Variants in APOBEC2 observed in about 807,000 individuals in gnomAD.
The protein encoded by APOBEC2 is C->U-editing enzyme APOBEC-2.
A neutral mutation model predicts 19.4 loss-of-function variants in APOBEC2; 14 were observed. That is an observed-to-expected ratio of 0.72 (90% CI 0.48 to 1.13). The LOEUF (loss-of-function observed/expected upper bound fraction) is 1.13. Among genes scored for constraint, APOBEC2 ranks in the 50% most tolerant of loss-of-function variants. The pLI, the probability that APOBEC2 is intolerant of heterozygous loss-of-function variation, is 0.00. For missense variants in APOBEC2, 304 were observed against 277.0 expected, an observed-to-expected ratio of 1.10 and a Z score of -0.69; for synonymous variants, 127 against 112.1, an observed-to-expected ratio of 1.13 and a Z score of -0.84.
At chr6:41,063,348 G>T (rs933692191) in intron 2 of APOBEC2, among the ~76,000 whole-genome samples, 1 of 152,142 alleles carries the variant, frequency 6.6e-6, no homozygotes, top group Non-Finnish European at 1.5e-5. Context: ...TGCCCTCTGA[G>T]AATATAAAAT....
At chr6:41,063,714 GAAC>G (rs1221056793) in intron 2 of APOBEC2, among the ~76,000 whole-genome samples, 3 of 143,454 alleles carry the variant, frequency 2.1e-5, no homozygotes, top group Admixed American at 6.9e-5. Context: ...AAGCCCAAAA[GAAC>G]AACCCTGCTT....
intron 1 of APOBEC2, among the ~76,000 whole-genome samples, 172 bp from the exon 2 acceptor site, chr6:41,061,156 C>CTTTTTTTTTTTTTT (rs35586672): frequency 9.5e-6 from 1 of 105,654 alleles, no homozygotes; most frequent in East Asian, 2.8e-4. Context: ...TTTTTTAATG[C>CTTTTTTTTTTTTTT]TTTTTTTTTT....
At position 41,061,674 on chromosome 6, in the gene APOBEC2, C is replaced by T; in HGVS notation, c.478C>T (p.Pro160Ser). 6.2e-7 allele frequency: 1 copy of T among 1,614,218 alleles called. No homozygotes were observed. Among genetic ancestry groups the T allele is most frequent in the Non-Finnish European group, 8.5e-7 (1 of 1,180,042 alleles). ...GGGTCGACTCTTCATGTGGGAGGAGCCGGAGATCCAGGCTGCTCTGAAGAA... is the reference window on the plus strand; with the variant it reads ...GGGTCGACTCTTCATGTGGGAGGAGTCGGAGATCCAGGCTGCTCTGAAGAA... Reference protein sequence around the residue: ...LVGRLFMWEEPEIQAALKKLK... With the variant: ...LVGRLFMWEESEIQAALKKLK... The change falls in exon 2 of 3, where the codon CCG (proline) becomes TCG (serine). Residue 160 changes from proline (P) to serine (S), a missense_variant. Coordinates refer to ENST00000244669, the MANE Select transcript of APOBEC2 (RefSeq NM_006789.4).
intron 1 of APOBEC2, among the ~76,000 whole-genome samples, chr6:41,059,184 G>A (rs140094799): frequency 3.9e-5 from 6 of 152,274 alleles, no homozygotes; most frequent in African/African-American, 1.2e-4. Flanking sequence ...TGAGCTATAG[G>A]GAGCTCCAGA....
At chr6:41,054,804 C>A (rs911158981) in intron 1 of APOBEC2, among the ~76,000 whole-genome samples, 3 of 152,194 alleles carry the variant, frequency 2.0e-5, no homozygotes, top group Non-Finnish European at 4.4e-5. Context: ...GAGCCTTTTT[C>A]TAACACCTAA....
At chr6:41,054,193 A>G (rs1391707013) in intron 1 of APOBEC2, among the ~76,000 whole-genome samples, 5 of 152,250 alleles carry the variant, frequency 3.3e-5, no homozygotes, top group Non-Finnish European at 7.3e-5. Flanking sequence ...GGCTGTGTGC[A>G]GGGTACCTCT....
At chr6:41,061,973 A>G in intron 2 of APOBEC2, 81 bp downstream of exon 2, 2 of 1,291,566 alleles carry the variant, frequency 1.5e-6, no homozygotes, top group Non-Finnish European at 2.1e-6. Flanking sequence ...AGAATCTGTG[A>G]TATGTCTGAT....
rs1762753558 is a variant in APOBEC2, at chr6:41,053,301, C to T, written c.-47C>T. Reference sequence around the variant, plus strand: ...GCCGCCAGGGCCTGGCCCAGACCTGCCTGCCTCTCTCCTCTCCCTCAGTGA... The same window carrying T: ...GCCGCCAGGGCCTGGCCCAGACCTGTCTGCCTCTCTCCTCTCCCTCAGTGA... On this transcript the variant is annotated 5_prime_UTR_variant, in exon 1 of 3. Coordinates refer to ENST00000244669, the MANE Select transcript of APOBEC2 (RefSeq NM_006789.4). The T allele has an allele frequency of 6.3e-7, 1 of 1,597,160 alleles. No homozygotes were observed.
At position 41,059,067 on chromosome 6, in the gene APOBEC2, C is replaced by A. The variant is rs150889548; in HGVS notation, c.132-2261C>A. On this transcript the variant is annotated intron_variant, in intron 1 of 2. Transcript: ENST00000244669. The stretch of plus-strand genomic sequence containing the variant: ...AGGGAAGAGGAGGAGGGGAAAATGT[C>A]AGAGCTTAAGAAGGGCAGAAAGAAA... 3.8e-3 allele frequency among the ~76,000 whole-genome samples: 586 copies of A among 152,230 alleles called. 11 individuals carry two copies. The South Asian group carries it at 0.061, about 16-fold the overall frequency.
chr6:41,053,514 A>G (rs760048703), intron 1 of APOBEC2, 36 bp downstream of exon 1: 9 of 1,612,912 alleles, frequency 5.6e-6, no homozygotes, highest in South Asian at 1.1e-5. Flanking sequence ...TCTGCTCCCT[A>G]GAAGAGTGCA....
chr6:41,055,165 T>C (rs898065591), intron 1 of APOBEC2, among the ~76,000 whole-genome samples: 2 of 152,156 alleles, frequency 1.3e-5, no homozygotes, highest in African/African-American at 4.8e-5. Flanking sequence ...AACTGGTAGG[T>C]GGCACATCTT....
intron 1 of APOBEC2, among the ~76,000 whole-genome samples, chr6:41,054,713 CAGATTAATAT>C (rs1220167432): frequency 2.0e-5 from 3 of 152,178 alleles, no homozygotes; most frequent in Non-Finnish European, 4.4e-5. Context: ...CAGCTGGGCA[CAGATTAATAT>C]AGACACAGGG....
intron 1 of APOBEC2, among the ~76,000 whole-genome samples, chr6:41,058,150 CCCACA>C (rs1762819987): frequency 1.4e-5 from 1 of 72,612 alleles, no homozygotes; most frequent in African/African-American, 9.2e-5. Context: ...ACCACCCCAC[CCCACA>C]CACACACACA....
At chr6:41,062,415 G>A (rs552848205) in intron 2 of APOBEC2, among the ~76,000 whole-genome samples, 1 of 152,290 alleles carries the variant, frequency 6.6e-6, no homozygotes, top group African/African-American at 2.4e-5. Context: ...AAATGGACTG[G>A]TATTTAACTT....
intron 1 of APOBEC2, among the ~76,000 whole-genome samples, 172 bp from the exon 2 acceptor site, chr6:41,061,156 C>CTTT (rs35586672): frequency 2.5e-3 from 264 of 105,630 alleles, no homozygotes; most frequent in Middle Eastern, 5.7e-3. Context: ...TTTTTTAATG[C>CTTT]TTTTTTTTTT....
In APOBEC2 at chr6:41,063,943, C is replaced by T. The variant is rs570117753; in HGVS notation, c.*22-158C>T. On this transcript the variant is annotated intron_variant, in intron 2 of 2. Coordinates refer to ENST00000244669, the MANE Select transcript of APOBEC2 (RefSeq NM_006789.4). ...AGACTGGCTTCTGGTTTAGTCAATC[C>T]TGGTAAATTTACCCAATCCTGCAAA... is the stretch of plus-strand genomic sequence containing the variant. Among the ~76,000 whole-genome samples, 3 of 152,010 alleles carry T rather than the reference C, an allele frequency of 2.0e-5. No individual in the cohort carries two copies. In the South Asian group the frequency reaches 6.3e-4, roughly 32 times the overall value.
Position 41,061,470 on chromosome 6 carries a change from G to A in APOBEC2, c.274G>A (p.Asp92Asn), listed in dbSNP as rs765285720. Residue 92 changes from aspartate to asparagine, a missense_variant, in exon 2 of 3, where the codon GAT becomes AAT. Asp to Asn is a conservative substitution (Grantham distance 23). Transcript: ENST00000244669. ...QVQASRGYLEDEHAAAHAEEA... is the reference protein window; with the variant it reads ...QVQASRGYLENEHAAAHAEEA... ...GCAGGCATCTCGGGGATACCTAGAG[G>A]ATGAGCATGCGGCTGCCCATGCAGA... The A allele has an allele frequency of 6.2e-7, 1 of 1,613,872 alleles. No homozygotes were observed. The highest frequency in any genetic ancestry group is 8.5e-7 in the Non-Finnish European group (1 of 1,179,888).
intron 1 of APOBEC2, among the ~76,000 whole-genome samples, chr6:41,059,978 T>G (rs907189943): frequency 2.0e-5 from 3 of 152,208 alleles, no homozygotes; most frequent in African/African-American, 7.2e-5. Flanking sequence ...GGTACTCATC[T>G]CCTCCTCTCT....
At chr6:41,056,141 G>A (rs1489988338) in intron 1 of APOBEC2, among the ~76,000 whole-genome samples, 1 of 152,158 alleles carries the variant, frequency 6.6e-6, no homozygotes, top group Non-Finnish European at 1.5e-5. Context: ...TGGAGATGGG[G>A]TCTTGCTTCT....
Sources: allele counts gnomAD v4.1 joint callset (sites outside exome capture counted in the v4.1 genomes callset), GRCh38; gene constraint gnomAD v4.1.1; transcripts MANE v1.5; gene names NCBI Gene and HGNC (gene_info 2026-07-23, HGNC 2026-07-21).